The following GPR158 variants were observed in gnomAD, a reference collection of about 807,000 sequenced individuals.
The protein encoded by GPR158 is G protein-coupled receptor 158.
In GPR158, 30 loss-of-function variants were observed where a neutral mutation model predicts 78.2. The observed-to-expected ratio is 0.38, with a 90% CI of 0.29 to 0.52. GPR158 has a LOEUF of 0.52. GPR158 is among the 20% of genes least tolerant of loss of function. GPR158 has a pLI of 0.83. For synonymous variants in GPR158, 581 were observed against 591.1 expected, an observed-to-expected ratio of 0.98 and a Z score of 0.25; for missense variants, 1,463 against 1,523.5, an observed-to-expected ratio of 0.96 and a Z score of 0.66.
intron 2 of GPR158, among the ~76,000 whole-genome samples, chr10:25,346,837 C>T (rs911476014): frequency 7.9e-5 from 12 of 151,942 alleles, no homozygotes; most frequent in Admixed American, 2.6e-4. Context: ...TCCAGTATAC[C>T]TGACACAGAC....
intron 1 of GPR158, among the ~76,000 whole-genome samples, chr10:25,214,789 C>CACAAGGAGAAG (rs1323261060): frequency 2.0e-5 from 3 of 151,832 alleles, no homozygotes; most frequent in Non-Finnish European, 4.4e-5. Flanking sequence ...CATGTGAAGA[C>CACAAGGAGAAG]ACAAGGAGAA....
intron 2 of GPR158, among the ~76,000 whole-genome samples, chr10:25,304,148 T>G (rs7911128): frequency 2.2e-5 from 3 of 134,604 alleles, no homozygotes; most frequent in South Asian, 2.2e-4. Flanking sequence ...TTGTTTTTTG[T>G]TTTTTTTTCG....
At chr10:25,346,650 A>G (rs1357712972) in intron 2 of GPR158, among the ~76,000 whole-genome samples, 1 of 151,858 alleles carries the variant, frequency 6.6e-6, no homozygotes, top group Non-Finnish European at 1.5e-5. Context: ...TTCTGATATA[A>G]GTTATTGTGT....
At chr10:25,565,906 A>C (rs565004614) in intron 6 of GPR158, among the ~76,000 whole-genome samples, 3 of 152,294 alleles carry the variant, frequency 2.0e-5, no homozygotes, top group African/African-American at 7.2e-5. Context: ...AGGGGTCTCG[A>C]ATGGGTAGCC....
chr10:25,212,649 T>TTTTTTTTG (rs1853149037), intron 1 of GPR158, among the ~76,000 whole-genome samples: 1 of 146,716 alleles, frequency 6.8e-6, no homozygotes, highest in African/African-American at 2.5e-5. Context: ...TTTTTTTTTT[T>TTTTTTTTG]GAGATGAGTC....
chr10:25,295,660 G>A (rs1588781623), intron 2 of GPR158, among the ~76,000 whole-genome samples: 1 of 151,998 alleles, frequency 6.6e-6, no homozygotes, highest in Non-Finnish European at 1.5e-5. Context: ...TGATCCACCC[G>A]CCTCGGCCTC....
intron 2 of GPR158, among the ~76,000 whole-genome samples, chr10:25,312,224 A>G (rs182810084): frequency 2.0e-4 from 31 of 152,146 alleles, no homozygotes; most frequent in African/African-American, 7.2e-4. Flanking sequence ...ATTAGTATAT[A>G]TTACAATTTG....
chr10:25,543,663 C>T (rs373587513), intron 5 of GPR158, among the ~76,000 whole-genome samples: 2 of 152,160 alleles, frequency 1.3e-5, no homozygotes, highest in African/African-American at 4.8e-5. Context: ...TCTATCATTC[C>T]ATACTCTATG....
At chr10:25,193,690 C>T (rs942620873) in intron 1 of GPR158, among the ~76,000 whole-genome samples, 7 of 152,190 alleles carry the variant, frequency 4.6e-5, no homozygotes, top group African/African-American at 1.4e-4. Context: ...TTTATTGTAG[C>T]GTTTTAGTTT....
At chr10:25,514,035 A>T (rs545912194) in intron 5 of GPR158, among the ~76,000 whole-genome samples, 1 of 152,234 alleles carries the variant, frequency 6.6e-6, no homozygotes, top group South Asian at 2.1e-4. Flanking sequence ...TGTTAAGTCC[A>T]TTTGTTCTAA....
intron 2 of GPR158, among the ~76,000 whole-genome samples, chr10:25,252,287 A>G (rs1300505050): frequency 6.6e-6 from 1 of 151,388 alleles, no homozygotes; most frequent in African/African-American, 2.4e-5. Flanking sequence ...GAGTAATTTG[A>G]TCGTCTGAAG....
At chr10:25,515,369 ATTTC>A (rs1302834202) in intron 5 of GPR158, among the ~76,000 whole-genome samples, 4 of 148,740 alleles carry the variant, frequency 2.7e-5, no homozygotes, top group Non-Finnish European at 6.0e-5. Flanking sequence ...TATGTTATCT[ATTTC>A]TTTTTTTTTT....
At chr10:25,560,815 T>TTCC (rs1836850294) in intron 6 of GPR158, among the ~76,000 whole-genome samples, 2 of 152,176 alleles carry the variant, frequency 1.3e-5, no homozygotes, top group Admixed American at 6.6e-5. Flanking sequence ...TCTTATAAAA[T>TTCC]TAGATGGAAA....
chr10:25,390,849 G>C (rs192355222), intron 2 of GPR158, among the ~76,000 whole-genome samples: 3 of 152,352 alleles, frequency 2.0e-5, no homozygotes, highest in Admixed American at 2.0e-4. Flanking sequence ...TGTAGGGCAT[G>C]TCAGAGGTCT....
At chr10:25,272,164 C>T (rs1316310284) in intron 2 of GPR158, among the ~76,000 whole-genome samples, 1 of 152,192 alleles carries the variant, frequency 6.6e-6, no homozygotes. Flanking sequence ...AATGTAGCCA[C>T]TTAGTCCAAT....
At chr10:25,437,848 A>T (rs949554782) in intron 4 of GPR158, among the ~76,000 whole-genome samples, 1 of 152,208 alleles carries the variant, frequency 6.6e-6, no homozygotes, top group African/African-American at 2.4e-5. Flanking sequence ...GGTTGGACCA[A>T]ATGGCCATAG....
chr10:25,316,966 C>T (rs991934928), intron 2 of GPR158, among the ~76,000 whole-genome samples: 5 of 148,546 alleles, frequency 3.4e-5, no homozygotes, highest in Non-Finnish European at 7.4e-5. Flanking sequence ...TCCACTGTTT[C>T]ATTTTCTTTA....
chr10:25,539,731 G>A (rs1233176184), intron 5 of GPR158, among the ~76,000 whole-genome samples: 1 of 152,014 alleles, frequency 6.6e-6, no homozygotes, highest in African/African-American at 2.4e-5. Context: ...TCTAGACCAT[G>A]GTTGTATAAA....
chr10:25,246,566 G>A (rs147632099), intron 2 of GPR158, among the ~76,000 whole-genome samples: 10 of 152,264 alleles, frequency 6.6e-5, no homozygotes, highest in Non-Finnish European at 1.5e-4. Flanking sequence ...GAGCATTATC[G>A]GGGGAATAGA....
Sources: allele counts gnomAD v4.1 joint callset (sites outside exome capture counted in the v4.1 genomes callset), GRCh38; gene constraint gnomAD v4.1.1; transcripts MANE v1.5; gene names NCBI Gene and HGNC (gene_info 2026-07-23, HGNC 2026-07-21).